The following NEXN variants were observed in gnomAD, a reference collection of about 807,000 sequenced individuals.
The protein encoded by NEXN is nexilin F-actin binding protein, also known as nexilin.
In NEXN, 65 loss-of-function variants were observed where a neutral mutation model predicts 92.6. The observed-to-expected ratio is 0.70, with a 90% CI of 0.57 to 0.86. The LOEUF is 0.86. Ranked by LOEUF, NEXN falls within the 40% of genes least tolerant of loss-of-function variation. The pLI, the probability that NEXN is intolerant of heterozygous loss-of-function variation, is 0.00. For missense variants in NEXN, 778 were observed against 771.1 expected (o/e 1.01, Z -0.11); for synonymous variants, 254 against 242.5 (o/e 1.05, Z -0.44).
At chr1:77,923,201 G>A (rs1649578894) in intron 5 of NEXN, among the ~76,000 whole-genome samples, 1 of 136,814 alleles carries the variant, frequency 7.3e-6, no homozygotes, top group South Asian at 2.3e-4. Context: ...GTCTCGCCAT[G>A]TTGCCCAGGT....
intron 1 of NEXN, among the ~76,000 whole-genome samples, chr1:77,898,061 A>G (rs1443296357): frequency 1.3e-5 from 2 of 152,264 alleles, no homozygotes; most frequent in African/African-American, 4.8e-5. Context: ...GGAAGAATCA[A>G]TATCATGAAA....
At chr1:77,900,167 C>T (rs899271228) in intron 1 of NEXN, among the ~76,000 whole-genome samples, 1 of 152,112 alleles carries the variant, frequency 6.6e-6, no homozygotes, top group Non-Finnish European at 1.5e-5. Context: ...TTATAGCTCC[C>T]CAGATTTGCA....
Position 77,933,307 on chromosome 1 carries a change from T to C in NEXN, c.1079T>C (p.Met360Thr). 2 of 1,603,812 alleles carry C rather than the reference T, an allele frequency of 1.2e-6. No individual in the cohort carries two copies. The highest frequency in any genetic ancestry group is 1.7e-6 in the Non-Finnish European group (2 of 1,172,190). The stretch of plus-strand genomic sequence containing the variant: ...GTAGTAGATGATGACTCCCCAGAGA[T>C]GTATAAGACAATCTCTCAAGAATTT... Reference protein sequence around the residue: ...NMVVDDDSPEMYKTISQEFLT... With the variant: ...NMVVDDDSPETYKTISQEFLT... The change falls in exon 10 of 13, where the codon ATG (methionine) becomes ACG (threonine). Residue 360 changes from methionine to threonine, a missense_variant. Transcript: ENST00000334785.
At chr1:77,896,830 CA>C (rs1647284911) in intron 1 of NEXN, among the ~76,000 whole-genome samples, 1 of 151,788 alleles carries the variant, frequency 6.6e-6, no homozygotes, top group East Asian at 1.9e-4. Context: ...AAGGGGATAT[CA>C]CCACCGATCC....
chr1:77,926,266 G>A, intron 6 of NEXN, 148 bp from the exon 7 acceptor site: 2 of 575,842 alleles, frequency 3.5e-6, no homozygotes, highest in Non-Finnish European at 6.1e-6. Context: ...TTTAGAGTAG[G>A]AGATATTTAA....
At chr1:77,937,229 G>C (rs1417249038) in intron 11 of NEXN, among the ~76,000 whole-genome samples, 1 of 152,054 alleles carries the variant, frequency 6.6e-6, no homozygotes, top group Non-Finnish European at 1.5e-5. Flanking sequence ...GATTGAGCCT[G>C]GGTGGTTGAG....
intron 11 of NEXN, 47 bp downstream of exon 11, chr1:77,936,091 T>C (rs1330862987): frequency 2.2e-6 from 3 of 1,372,028 alleles, no homozygotes; most frequent in Non-Finnish European, 3.1e-6. Flanking sequence ...GTAATGATAA[T>C]AAATTTAACA....
At position 77,913,526 on chromosome 1, in the gene NEXN, CTAATT is replaced by C. The variant is rs533182885; in HGVS notation, c.-52-2524_-52-2520del. ...CTTTAATATATTATTTAATATAATT[CTAATT>C]TAATATTTATTCATTTAATATATAT... is the stretch of plus-strand genomic sequence containing the variant. On this transcript the variant is annotated intron_variant, in intron 1 of 12. Coordinates refer to ENST00000334785, the MANE Select transcript of NEXN (RefSeq NM_144573.4). 2.1e-3 allele frequency among the ~76,000 whole-genome samples: 322 copies of C among 151,550 alleles called. 1 individual carries two copies. Among genetic ancestry groups the C allele is most frequent in the Non-Finnish European group, 3.4e-3 (228 of 67,880 alleles).
At chr1:77,908,394 A>ATTTTTT (rs34361411) in intron 1 of NEXN, among the ~76,000 whole-genome samples, 5 of 36,304 alleles carry the variant, frequency 1.4e-4, no homozygotes, top group Non-Finnish European at 2.5e-4. Flanking sequence ...CCCTACCTCT[A>ATTTTTT]TTTTTTTTTT....
rs770360181 is a variant in NEXN, at chr1:77,917,650, A to C, written c.112A>C (p.Met38Leu). 7 of 1,613,454 alleles carry C rather than the reference A, an allele frequency of 4.3e-6. No individual in the cohort carries two copies. Among genetic ancestry groups the C allele is most frequent in the African/African-American group, 4.0e-5 (3 of 75,030 alleles). ...KGDVKDKFEA[M>L]QRAREERNQR... ...TGATGTAAAGGATAAGTTTGAAGCC[A>C]TGCAGAGAGCCAGGGAAGAAAGAAA... The change falls in exon 3 of 13, where the codon ATG becomes CTG. Residue 38 changes from methionine to leucine, a missense_variant. Around this residue, in one of 3 missense-constraint regions of NEXN, gnomAD observed 236 missense variants for 265.6 expected, o/e 0.89. Coordinates refer to ENST00000334785, the MANE Select transcript of NEXN (RefSeq NM_144573.4).
chr1:77,923,160 AT>A (rs763944057), intron 5 of NEXN, among the ~76,000 whole-genome samples: 170 of 124,366 alleles, frequency 1.4e-3, no homozygotes, highest in Middle Eastern at 8.3e-3. Context: ...CACCCAGCTA[AT>A]TTTTTTTTTT....
At chr1:77,908,392 C>CTTTCTT (rs1188059954) in intron 1 of NEXN, among the ~76,000 whole-genome samples, 1 of 97,596 alleles carries the variant, frequency 1.0e-5, no homozygotes, top group African/African-American at 3.8e-5. Flanking sequence ...TCCCCTACCT[C>CTTTCTT]TATTTTTTTT....
intron 12 of NEXN, 28 bp from the exon 13 acceptor site, chr1:77,942,433 C>A: frequency 6.2e-7 from 1 of 1,600,248 alleles, no homozygotes; most frequent in Non-Finnish European, 8.6e-7. Flanking sequence ...CTATAAATGC[C>A]AACCTGAATG....
At chr1:77,903,843 T>C (rs935990994) in intron 1 of NEXN, among the ~76,000 whole-genome samples, 1 of 152,160 alleles carries the variant, frequency 6.6e-6, no homozygotes, top group Non-Finnish European at 1.5e-5. Context: ...GAGGATTGCT[T>C]GAGCCCAGGA....
intron 1 of NEXN, among the ~76,000 whole-genome samples, chr1:77,912,729 C>G (rs1648684962): frequency 6.6e-6 from 1 of 152,190 alleles, no homozygotes; most frequent in Non-Finnish European, 1.5e-5. Flanking sequence ...GGTGCTGGAA[C>G]AACTGGACAT....
chr1:77,916,695 A>C (rs1649003495), intron 2 of NEXN, among the ~76,000 whole-genome samples: 1 of 152,162 alleles, frequency 6.6e-6, no homozygotes, highest in Admixed American at 6.5e-5. Flanking sequence ...AAATTAATTA[A>C]GTAATTGTCA....
chr1:77,942,558 A>C lies in NEXN; in HGVS notation c.1757A>C (p.Lys586Thr). The C allele has an allele frequency of 6.2e-7, 1 of 1,613,948 alleles. No individual in the cohort carries two copies. The highest frequency in any genetic ancestry group is 8.5e-7 in the Non-Finnish European group (1 of 1,179,856). ...AGATCAGGAGCTCCATGGTTCAAGA[A>C]GCCTCTTAAAAACACATCAGTTGTA... The part of the protein sequence containing the change: ...QTRSGAPWFK[K>T]PLKNTSVVDS... The change falls in exon 13 of 13, where the codon AAG (lysine) becomes ACG (threonine). Residue 586 changes from lysine (K) to threonine (T), a missense_variant. Coordinates refer to ENST00000334785, the MANE Select transcript of NEXN (RefSeq NM_144573.4).
In NEXN at chr1:77,926,818, A is replaced by G; in HGVS notation, c.790A>G (p.Lys264Glu). 1.2e-6 allele frequency: 2 copies of G among 1,614,054 alleles called. No homozygotes were observed. Among genetic ancestry groups the G allele is most frequent in the South Asian group, 2.2e-5 (2 of 91,066 alleles). ...GCGACAAAGACAAGAAAACCGAAAG[A>G]AGCAAGCTGAAGAGGAAGCAAGAAA... ...LERQRQENRK[K>E]QAEEEARKRL... Residue 264 changes from lysine (K) to glutamate (E), a missense_variant, in exon 8 of 13, where the codon AAG (lysine) becomes GAG (glutamate). Lys to Glu is a moderately conservative substitution (Grantham distance 56). Around this residue, in one of 3 missense-constraint regions of NEXN, gnomAD observed 532 missense variants for 476.7 expected, o/e 1.12. Transcript: ENST00000334785.
At chr1:77,941,451 A>G (rs1035863935) in intron 11 of NEXN, among the ~76,000 whole-genome samples, 14 of 152,044 alleles carry the variant, frequency 9.2e-5, no homozygotes, top group African/African-American at 2.9e-4. Flanking sequence ...TGACTCAAAC[A>G]TATTTTACTT....
Sources: gnomAD v4.1 joint callset for allele counts (sites outside exome capture counted in the v4.1 genomes callset) on GRCh38, gnomAD v4.1.1 for gene constraint, gnomAD v4.1.1 regional missense constraint, MANE v1.5 for transcripts, NCBI Gene and HGNC (gene_info 2026-07-23, HGNC 2026-07-21) for gene names.